Variants in MYO18B observed in about 807,000 individuals in gnomAD.
MYO18B encodes unconventional myosin-XVIIIb.
A neutral mutation model predicts 273.0 loss-of-function variants in MYO18B; 204 were observed. The observed-to-expected ratio is 0.75, with a 90% CI of 0.67 to 0.84. MYO18B has a LOEUF of 0.84. MYO18B is among the 40% of genes least tolerant of loss of function. The pLI is 0.00. For missense variants in MYO18B, 3,212 were observed against 3,287.6 expected (o/e 0.98, Z 0.56); for synonymous variants, 1,330 against 1,305.7 (o/e 1.02, Z -0.40).
intron 22 of MYO18B, among the ~76,000 whole-genome samples, chr22:25,871,793 C>CA (rs1391533032): frequency 2.1e-5 from 3 of 141,062 alleles, no homozygotes; most frequent in Non-Finnish European, 4.7e-5. Flanking sequence ...GCAAAAAAAA[C>CA]AAAAAACAAA....
intron 42 of MYO18B, among the ~76,000 whole-genome samples, chr22:26,007,144 A>G (rs1346476941): frequency 6.6e-6 from 1 of 152,146 alleles, no homozygotes; most frequent in Non-Finnish European, 1.5e-5. Context: ...GAGGCAAGGG[A>G]GATACTTACA....
At chr22:26,006,155 C>G (rs1367623501) in intron 42 of MYO18B, among the ~76,000 whole-genome samples, 1 of 152,064 alleles carries the variant, frequency 6.6e-6, no homozygotes, top group Non-Finnish European at 1.5e-5. Context: ...ACATAATAAC[C>G]AAGTTTCATA....
chr22:25,781,585 G>A (rs887034825), intron 9 of MYO18B, 149 bp from the exon 10 acceptor site: 33 of 363,980 alleles, frequency 9.1e-5, no homozygotes, highest in Non-Finnish European at 9.8e-5. Context: ...ACTCCAGCCT[G>A]GGCAACAGAG....
At chr22:25,815,105 G>A (rs1035048192) in intron 12 of MYO18B, among the ~76,000 whole-genome samples, 1 of 152,246 alleles carries the variant, frequency 6.6e-6, no homozygotes, top group African/African-American at 2.4e-5. Context: ...CAGACGCATG[G>A]TGAGTACTCA....
At position 25,851,640 on chromosome 22, in the gene MYO18B, C is replaced by T. The variant is rs6004798; in HGVS notation, c.3885+61C>T. 0.35 allele frequency: 441,176 copies of T among 1,256,188 alleles called. 81,468 individuals carry two copies. The highest frequency in any genetic ancestry group is 0.38 in the Non-Finnish European group (334,394 of 879,270). 77.8% of individuals were successfully genotyped at this position (1,256,188 alleles called of 1,614,324 possible). ...AGATATGGATATGTTGGTTATTGGA[C>T]ATGTTCCAAGGCTGGGCACGGTGAG... On this transcript the variant is annotated intron_variant, in intron 21 of 43. Transcript: ENST00000335473.
chr22:25,903,366 G>A (rs2091976170), intron 30 of MYO18B: 4 of 447,838 alleles, frequency 8.9e-6, no homozygotes, highest in African/African-American at 2.0e-5. Flanking sequence ...CTTCCTGTAG[G>A]TGCTCTGAGA....
At chr22:25,861,735 G>GT (rs2090743278) in intron 21 of MYO18B, among the ~76,000 whole-genome samples, 1 of 152,054 alleles carries the variant, frequency 6.6e-6, no homozygotes, top group Admixed American at 6.6e-5. Flanking sequence ...CTTCTTTTGT[G>GT]TAAACTAGGT....
chr22:26,022,612 G>A (rs1204848709), intron 42 of MYO18B, among the ~76,000 whole-genome samples: 2 of 152,048 alleles, frequency 1.3e-5, no homozygotes, highest in Non-Finnish European at 2.9e-5. Flanking sequence ...CTCCTCACTC[G>A]ACCCCTACTG....
At chr22:25,757,857 C>T (rs1212936511) in intron 1 of MYO18B, among the ~76,000 whole-genome samples, 1 of 152,200 alleles carries the variant, frequency 6.6e-6, no homozygotes, top group Admixed American at 6.5e-5. Context: ...GTGTGTGCAA[C>T]ATTGTACTCA....
At chr22:26,011,436 AT>A (rs1934917643) in intron 42 of MYO18B, among the ~76,000 whole-genome samples, 1 of 152,206 alleles carries the variant, frequency 6.6e-6, no homozygotes, top group Non-Finnish European at 1.5e-5. Flanking sequence ...CCAAAGGACA[AT>A]GAAGGGCCTT....
intron 42 of MYO18B, among the ~76,000 whole-genome samples, chr22:26,018,198 C>T (rs1935535217): frequency 6.6e-6 from 1 of 152,106 alleles, no homozygotes; most frequent in Admixed American, 6.5e-5. Flanking sequence ...CGGCCCCGAC[C>T]TTAAGCATCA....
intron 16 of MYO18B, among the ~76,000 whole-genome samples, chr22:25,834,292 A>G (rs1170150701): frequency 1.3e-5 from 2 of 151,958 alleles, no homozygotes; most frequent in African/African-American, 2.4e-5. Context: ...GATTACAGGC[A>G]TGCACCACCA....
chr22:25,855,101 C>A (rs543861143), intron 21 of MYO18B, among the ~76,000 whole-genome samples: 1 of 152,210 alleles, frequency 6.6e-6, no homozygotes, highest in Admixed American at 6.5e-5. Context: ...TCCCTCCTCC[C>A]ATCCTTCCCC....
chr22:26,040,534 C>G, the MYO18B span, among the ~76,000 whole-genome samples: 15,266 of 152,084 alleles, frequency 0.1, 903 homozygotes, highest in Middle Eastern at 0.17. Flanking sequence ...CGCTGAAAGC[C>G]TGGAGGAGGA....
chr22:26,039,019 T>C, the MYO18B span, among the ~76,000 whole-genome samples: 3 of 152,152 alleles, frequency 2.0e-5, no homozygotes, highest in Admixed American at 2.0e-4. Flanking sequence ...GCTGTTAATA[T>C]CTCTTGGAGT....
chr22:25,895,458 A>G, intron 28 of MYO18B, 178 bp downstream of exon 28: 1 of 685,314 alleles, frequency 1.5e-6, no homozygotes, highest in Non-Finnish European at 2.4e-6. Flanking sequence ...AGACATGAAA[A>G]ATATTGTCTG....
At chr22:25,764,187 G>A (rs538143928) in intron 3 of MYO18B, among the ~76,000 whole-genome samples, 8 of 152,306 alleles carry the variant, frequency 5.3e-5, no homozygotes, top group East Asian at 1.9e-4. Flanking sequence ...TCTGAATAGC[G>A]CTGCTGCATT....
In MYO18B at chr22:25,836,848, G is replaced by A. The variant is rs1285419646; in HGVS notation, c.3208+1405G>A. 3.9e-5 allele frequency among the ~76,000 whole-genome samples: 6 copies of A among 152,136 alleles called. No individual in the cohort carries two copies. In the East Asian group the frequency reaches 1.2e-3, roughly 29 times the overall value. On this transcript the variant is annotated intron_variant, in intron 17 of 43. Coordinates refer to ENST00000335473, the MANE Select transcript of MYO18B (RefSeq NM_032608.7). The stretch of plus-strand genomic sequence containing the variant: ...GTGATGGCGCATGCCTGTAGTCCCA[G>A]CTACTCGGGAGGCTGAGGCAGGAGA...
intron 42 of MYO18B, among the ~76,000 whole-genome samples, chr22:26,014,617 AGCTAG>A (rs1202815471): frequency 2.6e-5 from 4 of 152,204 alleles, no homozygotes; most frequent in African/African-American, 4.8e-5. Flanking sequence ...CTGAGTGCTG[AGCTAG>A]GCTTTTATTC....
Sources: gnomAD v4.1 joint callset for allele counts (sites outside exome capture counted in the v4.1 genomes callset) on GRCh38, gnomAD v4.1.1 for gene constraint, MANE v1.5 for transcripts, NCBI Gene and HGNC (gene_info 2026-07-23, HGNC 2026-07-21) for gene names.